UNC13B: variants seen among roughly 807,000 people sequenced by gnomAD.
UNC13B encodes unc-13 homolog B.
In UNC13B, 144 loss-of-function variants were observed where a neutral mutation model predicts 211.0. That is an observed-to-expected ratio of 0.68 (90% confidence interval 0.60 to 0.78). UNC13B has a LOEUF of 0.78. UNC13B is among the 30% of genes least tolerant of loss of function. The pLI is 0.00. For synonymous variants in UNC13B, 709 were observed against 725.8 expected, an observed-to-expected ratio of 0.98 and a Z score of 0.37; for missense variants, 1,777 against 2,002.0, an observed-to-expected ratio of 0.89 and a Z score of 2.14.
At chr9:35,320,074 G>GT (rs528979287) in intron 11 of UNC13B, among the ~76,000 whole-genome samples, 18 of 152,252 alleles carry the variant, frequency 1.2e-4, no homozygotes, top group Non-Finnish European at 2.1e-4. Context: ...ACATTTCACT[G>GT]TTTTTTATGG....
intron 7 of UNC13B, among the ~76,000 whole-genome samples, chr9:35,264,500 C>T (rs1827459292): frequency 6.6e-6 from 1 of 152,178 alleles, no homozygotes; most frequent in Non-Finnish European, 1.5e-5. Flanking sequence ...CTTTCCCTTA[C>T]TGCTTGTAGT....
chr9:35,185,790 T>A (rs7035888), intron 1 of UNC13B, among the ~76,000 whole-genome samples: 23,581 of 150,388 alleles, frequency 0.16, 2,041 homozygotes, highest in Admixed American at 0.25. Flanking sequence ...TGGTGGCACA[T>A]GTCTGTATTC....
chr9:35,308,695 C>T (rs367635128), intron 9 of UNC13B, among the ~76,000 whole-genome samples: 6 of 152,312 alleles, frequency 3.9e-5, no homozygotes, highest in East Asian at 3.9e-4. Flanking sequence ...CTGGTTTGCT[C>T]TGCCTTGTAT....
At chr9:35,250,575 G>C (rs1826405402) in intron 6 of UNC13B, among the ~76,000 whole-genome samples, 1 of 152,120 alleles carries the variant, frequency 6.6e-6, no homozygotes, top group Non-Finnish European at 1.5e-5. Context: ...TGGACAGTTG[G>C]GTTGTTTCTC....
intron 11 of UNC13B, chr9:35,351,269 G>T: frequency 8.6e-7 from 1 of 1,156,500 alleles, no homozygotes; most frequent in South Asian, 4.4e-5. Flanking sequence ...TCTGACCTGA[G>T]TGCACTATTT....
At chr9:35,202,467 T>G (rs2131380860) in intron 1 of UNC13B, among the ~76,000 whole-genome samples, 1 of 152,290 alleles carries the variant, frequency 6.6e-6, no homozygotes, top group South Asian at 2.1e-4. Flanking sequence ...TCTCCCCTTA[T>G]TATTGTGTAG....
intron 7 of UNC13B, among the ~76,000 whole-genome samples, chr9:35,274,087 C>T (rs1828039729): frequency 1.3e-5 from 2 of 152,150 alleles, no homozygotes; most frequent in East Asian, 3.9e-4. Context: ...CGCACAGCTC[C>T]AAGTAAAAAA....
intron 3 of UNC13B, among the ~76,000 whole-genome samples, chr9:35,234,312 G>A (rs1930359): frequency 0.15 from 22,017 of 151,832 alleles, 1,853 homozygotes; most frequent in Admixed American, 0.25. Flanking sequence ...GAGACACTAG[G>A]TTTTGCCATG....
At chr9:35,283,947 A>C (rs1828645901) in intron 7 of UNC13B, among the ~76,000 whole-genome samples, 2 of 152,080 alleles carry the variant, frequency 1.3e-5, no homozygotes, top group African/African-American at 4.8e-5. Context: ...TGGTTACCTG[A>C]GTGTGTTCAC....
rs769857082 is a variant in UNC13B, at chr9:35,310,509, T to G, written c.9051T>G (p.Ser3017Arg). The change falls in exon 10 of 40, where the codon AGT becomes AGG. Residue 3017 changes from serine (S) to arginine (R), a missense_variant. Coordinates refer to ENST00000635942, the MANE Select transcript of UNC13B (RefSeq NM_001371189.2). ...GGTATGGCTCCTCCTGTAATGTGAG[T>G]CAAGGAAGCTCTCAGCTAAGTGAAC... ...SSRYGSSCNV[S>R]QGSSQLSELD... 2.3e-5 allele frequency: 37 copies of G among 1,613,762 alleles called. No homozygotes were observed. The highest frequency in any genetic ancestry group is 2.6e-5 in the Non-Finnish European group (31 of 1,179,968).
At chr9:35,323,189 C>G (rs1830828356) in intron 11 of UNC13B, among the ~76,000 whole-genome samples, 1 of 151,736 alleles carries the variant, frequency 6.6e-6, no homozygotes, top group Admixed American at 6.6e-5. Context: ...TTGTCCTACA[C>G]CTTGCTTTTT....
chr9:35,257,303 TA>T (rs34577231), intron 6 of UNC13B, among the ~76,000 whole-genome samples: 70,948 of 133,032 alleles, frequency 0.53, 19,145 homozygotes, highest in Middle Eastern at 0.63. Context: ...TTTATATTTA[TA>T]AAAAATATAA....
At chr9:35,368,979 C>T (rs905980593) in intron 12 of UNC13B, among the ~76,000 whole-genome samples, 12 of 152,166 alleles carry the variant, frequency 7.9e-5, no homozygotes, top group African/African-American at 2.9e-4. Flanking sequence ...CTGAATGTAG[C>T]TATGTAGTAG....
intron 11 of UNC13B, among the ~76,000 whole-genome samples, chr9:35,349,198 G>A (rs904108411): frequency 1.3e-5 from 2 of 152,252 alleles, no homozygotes; most frequent in South Asian, 2.1e-4. Context: ...TTACAGGCGA[G>A]AGCCACCACG....
chr9:35,280,647 C>T (rs907959332), intron 7 of UNC13B, among the ~76,000 whole-genome samples: 1 of 152,030 alleles, frequency 6.6e-6, no homozygotes, highest in Non-Finnish European at 1.5e-5. Context: ...GATATTGATG[C>T]TAATTATAGG....
In UNC13B at chr9:35,377,579, A is replaced by T; in HGVS notation, c.9947A>T (p.Glu3316Val). The T allele has an allele frequency of 6.2e-7, 1 of 1,614,230 alleles. No homozygotes were observed. The highest frequency in any genetic ancestry group is 8.5e-7 in the Non-Finnish European group (1 of 1,180,032). ...IRERNKPEIFEVIRDVFTVNK... is the reference protein window; with the variant it reads ...IRERNKPEIFVVIRDVFTVNK... Reference sequence around the variant, plus strand: ...GAGCGAAATAAGCCAGAGATCTTTGAAGTTATCCGGGACGTCTTCACAGTG... The same window carrying T: ...GAGCGAAATAAGCCAGAGATCTTTGTAGTTATCCGGGACGTCTTCACAGTG... Residue 3316 changes from glutamate (E) to valine (V), a missense_variant, in exon 16 of 40, where the codon GAA becomes GTA. Physicochemically the swap from Glu to Val is moderately radical, Grantham distance 121. Coordinates refer to ENST00000635942, the MANE Select transcript of UNC13B (RefSeq NM_001371189.2).
chr9:35,313,174 C>T (rs1830267577), intron 10 of UNC13B, among the ~76,000 whole-genome samples: 1 of 152,160 alleles, frequency 6.6e-6, no homozygotes, highest in Admixed American at 6.5e-5. Context: ...TGATCCCAGA[C>T]TGTTCCAGGG....
chr9:35,275,522 T>C (rs1340560945), intron 7 of UNC13B, among the ~76,000 whole-genome samples: 1 of 152,212 alleles, frequency 6.6e-6, no homozygotes, highest in African/African-American at 2.4e-5. Flanking sequence ...TTTACTGCTG[T>C]TCGAATATAC....
intron 9 of UNC13B, among the ~76,000 whole-genome samples, chr9:35,309,688 T>G (rs191901039): frequency 4.4e-4 from 67 of 152,282 alleles, no homozygotes; most frequent in African/African-American, 1.6e-3. Context: ...TCTTCAGATA[T>G]AGAGATGCAT....
Sources: allele counts gnomAD v4.1 joint callset (sites outside exome capture counted in the v4.1 genomes callset), GRCh38; gene constraint gnomAD v4.1.1; transcripts MANE v1.5; gene names NCBI Gene and HGNC (gene_info 2026-07-23, HGNC 2026-07-21).